The following LIMK1 variants were observed in gnomAD, a reference collection of about 807,000 sequenced individuals.
LIMK1 encodes LIM domain kinase 1.
In LIMK1, 21 loss-of-function variants were observed where a neutral mutation model predicts 77.6. The observed-to-expected ratio is 0.27, with a 90% CI of 0.19 to 0.39. The LOEUF is 0.39. LIMK1 is among the 10% of genes least tolerant of loss of function. The probability of loss-of-function intolerance (pLI) is 1.00; values close to 1 mark genes in which losing one functional copy is unlikely to be tolerated. For synonymous variants in LIMK1, 358 were observed against 370.0 expected (o/e 0.97, Z 0.37); for missense variants, 696 against 901.6 (o/e 0.77, Z 2.92).
intron 13 of LIMK1, among the ~76,000 whole-genome samples, chr7:74,118,130 A>C (rs1554699900): frequency 6.6e-6 from 1 of 151,506 alleles, no homozygotes; most frequent in Non-Finnish European, 1.5e-5. Context: ...TAATCCCAGC[A>C]CTTTGGGAGG....
At chr7:74,118,423 CACA>C (rs1799864598) in intron 13 of LIMK1, among the ~76,000 whole-genome samples, 2 of 136,874 alleles carry the variant, frequency 1.5e-5, no homozygotes, top group South Asian at 4.7e-4. Flanking sequence ...CACACACACA[CACA>C]GAGTTAACAT....
rs1554697805 is a variant in LIMK1 at position 74,107,191 on chromosome 7, A to G, written c.1063A>G (p.Lys355Glu). 1 of 1,608,278 alleles carries G rather than the reference A, an allele frequency of 6.2e-7. No homozygotes were observed. The highest frequency in any genetic ancestry group is 8.5e-7 in the Non-Finnish European group (1 of 1,178,066). ...CAAGGGCTGCTTCGGCCAGGCTATC[A>G]AGGTACAGAGCATGCCAGGGTCTCA... ...LGKGCFGQAI[K>E]VTHRETGEVM... Residue 355 changes from lysine to glutamate, a missense_variant and splice_region_variant, in exon 8 of 16, where the codon AAG (lysine) becomes GAG (glutamate). By Grantham distance (56) the Lys-to-Glu change is moderately conservative (BLOSUM62 1). Around this residue, in one of 3 missense-constraint regions of LIMK1, gnomAD observed 438 missense variants for 602.3 expected, o/e 0.73. Coordinates refer to ENST00000336180, the MANE Select transcript of LIMK1 (RefSeq NM_002314.4).
At position 74,106,245 on chromosome 7, in the gene LIMK1, T is replaced by C; in HGVS notation, c.881+2T>C. ...CTCTGCCCGGCAGAAACCTGTCTTG[T>C]AAGTCAGCCTGCTCCTCGGTTCAGC... On this transcript the variant is annotated splice_donor_variant, in intron 7 of 15. Transcript: ENST00000336180. LOFTEE classifies it high-confidence loss of function. 1 of 1,606,880 alleles carries C rather than the reference T, an allele frequency of 6.2e-7. No homozygotes were observed. Among genetic ancestry groups the C allele is most frequent in the Non-Finnish European group, 8.5e-7 (1 of 1,177,434 alleles).
intron 12 of LIMK1, among the ~76,000 whole-genome samples, chr7:74,114,113 G>A (rs178407): frequency 0.05 from 7,549 of 152,070 alleles, 264 homozygotes; most frequent in Non-Finnish European, 0.075. Context: ...AGCTGGGCGT[G>A]GTGGTGGGTG....
At chr7:74,095,113 C>T (rs978531281) in intron 2 of LIMK1, among the ~76,000 whole-genome samples, 1 of 152,140 alleles carries the variant, frequency 6.6e-6, no homozygotes, top group African/African-American at 2.4e-5. Context: ...TGAGTGATAC[C>T]CATGCAGGCC....
intron 8 of LIMK1, 57 bp downstream of exon 8, chr7:74,107,250 T>G: frequency 6.6e-7 from 1 of 1,506,084 alleles, no homozygotes; most frequent in South Asian, 1.3e-5. Flanking sequence ...TCCATCCTCC[T>G]TCCTTCCCAG....
chr7:74,106,003 C>T, intron 6 of LIMK1, 23 bp downstream of exon 6: 1 of 1,613,244 alleles, frequency 6.2e-7, no homozygotes. Context: ...GTCTGTGGGG[C>T]AGGACGGGAG....
chr7:74,106,329 C>A (rs1336452558), intron 7 of LIMK1, 86 bp downstream of exon 7: 4 of 1,464,986 alleles, frequency 2.7e-6, no homozygotes, highest in Non-Finnish European at 3.7e-6. Context: ...GGGGAGCCAG[C>A]CCTGCACAAA....
intron 2 of LIMK1, among the ~76,000 whole-genome samples, chr7:74,091,204 G>A (rs1403527890): frequency 3.3e-5 from 5 of 151,954 alleles, no homozygotes; most frequent in South Asian, 2.1e-4. Flanking sequence ...GATTACAGGC[G>A]TGAGCCACCG....
Position 74,121,040 on chromosome 7 carries a change from C to A in LIMK1, c.1772C>A (p.Pro591His). 6.3e-7 allele frequency: 1 copy of A among 1,597,360 alleles called. No individual in the cohort carries two copies. Among genetic ancestry groups the A allele is most frequent in the Non-Finnish European group, 8.5e-7 (1 of 1,170,746 alleles). ...PITVRCCDLD[P>H]EKRPSFVKLE... ...ACCGTGCGCTGTTGCGATCTGGACCCCGAGAAGAGGTGAGTGGGGTGGGGC... is the reference window on the plus strand; with the variant it reads ...ACCGTGCGCTGTTGCGATCTGGACCACGAGAAGAGGTGAGTGGGGTGGGGC... Residue 591 changes from proline (P) to histidine (H), a missense_variant, in exon 15 of 16, where the codon CCC (proline) becomes CAC (histidine). By Grantham distance (77) the Pro-to-His change is moderately conservative. Coordinates refer to ENST00000336180, the MANE Select transcript of LIMK1 (RefSeq NM_002314.4).
intron 5 of LIMK1, among the ~76,000 whole-genome samples, chr7:74,103,953 C>T (rs1404121884): frequency 1.3e-5 from 2 of 152,032 alleles, no homozygotes; most frequent in African/African-American, 4.8e-5. Flanking sequence ...ACCACCATGC[C>T]TGGCTAATTT....
At chr7:74,106,294 G>T in intron 7 of LIMK1, 51 bp downstream of exon 7, 2 of 1,547,972 alleles carry the variant, frequency 1.3e-6, no homozygotes, top group Non-Finnish European at 1.7e-6. Flanking sequence ...TCCTGCTGGG[G>T]CTCAGGGGCT....
intron 9 of LIMK1, among the ~76,000 whole-genome samples, 184 bp downstream of exon 9, chr7:74,108,141 C>A (rs1359541662): frequency 6.6e-6 from 1 of 151,822 alleles, no homozygotes; most frequent in Non-Finnish European, 1.5e-5. Flanking sequence ...ACTTTGAGAC[C>A]AACCTGGGCA....
At chr7:74,118,375 C>G (rs1799860768) in intron 13 of LIMK1, among the ~76,000 whole-genome samples, 1 of 91,958 alleles carries the variant, frequency 1.1e-5, no homozygotes, top group East Asian at 3.1e-4. Context: ...GACTCTGTGT[C>G]AAACACACAC....
intron 2 of LIMK1, among the ~76,000 whole-genome samples, chr7:74,093,539 G>A (rs542302913): frequency 6.6e-6 from 1 of 152,326 alleles, no homozygotes; most frequent in African/African-American, 2.4e-5. Flanking sequence ...GGCCAGGGAT[G>A]TGGCCCTGGG....
rs143515332 is a variant in LIMK1, at chr7:74,117,021, A to G, written c.1567+1063A>G. Among the ~76,000 whole-genome samples the G allele has an allele frequency of 5.5e-4, 83 of 151,946 alleles. 1 individual carries two copies. In the East Asian group the frequency reaches 0.016, roughly 29 times the overall value. On this transcript the variant is annotated intron_variant, in intron 13 of 15. Coordinates refer to ENST00000336180, the MANE Select transcript of LIMK1 (RefSeq NM_002314.4). ...CTCAGCCTCCCGAGTAGCTGGGACTACAGGCGCCCGCCAACACGCCTGGCT... is the reference window on the plus strand; with the variant it reads ...CTCAGCCTCCCGAGTAGCTGGGACTGCAGGCGCCCGCCAACACGCCTGGCT...
chr7:74,097,853 A>T (rs1458597377), intron 4 of LIMK1, among the ~76,000 whole-genome samples: 1 of 152,208 alleles, frequency 6.6e-6, no homozygotes, highest in Non-Finnish European at 1.5e-5. Flanking sequence ...CACACTTCTG[A>T]CCGACTGGCT....
intron 5 of LIMK1, among the ~76,000 whole-genome samples, chr7:74,100,426 G>A (rs1364964435): frequency 6.6e-6 from 1 of 152,062 alleles, no homozygotes; most frequent in Non-Finnish European, 1.5e-5. Context: ...TGGGCAATTG[G>A]TCACTTCTTT....
chr7:74,104,304 C>A (rs1217412824), intron 5 of LIMK1, among the ~76,000 whole-genome samples: 1 of 151,978 alleles, frequency 6.6e-6, no homozygotes, highest in Admixed American at 6.6e-5. Context: ...GGACCTAGGG[C>A]AGAGACAAAG....
Sources: allele counts gnomAD v4.1 joint callset (sites outside exome capture counted in the v4.1 genomes callset), GRCh38; gene constraint gnomAD v4.1.1; regional missense constraint gnomAD v4.1.1; transcripts MANE v1.5; gene names NCBI Gene and HGNC (gene_info 2026-07-23, HGNC 2026-07-21).